The following ATP5PB variants were observed in gnomAD, a reference collection of about 807,000 sequenced individuals.
The protein encoded by ATP5PB is ATP synthase peripheral stalk-membrane subunit b, also known as ATP synthase peripheral stalk subunit b, mitochondrial.
In ATP5PB, 21 loss-of-function variants were observed where a neutral mutation model predicts 34.5. The observed-to-expected ratio is 0.61, with a 90% CI of 0.43 to 0.88. The LOEUF is 0.88. Among genes scored for constraint, ATP5PB ranks in the 40% least tolerant of loss-of-function variants. The pLI is 0.00. For missense variants in ATP5PB, 293 were observed against 317.4 expected (o/e 0.92, Z 0.58); for synonymous variants, 108 against 114.1 (o/e 0.95, Z 0.34).
At chr1:111,458,327 C>A (rs140664804) in intron 5 of ATP5PB, among the ~76,000 whole-genome samples, 1,703 of 152,264 alleles carry the variant, frequency 0.011, 9 homozygotes, top group Middle Eastern at 0.027. Flanking sequence ...GCAACATAGA[C>A]CCCCTTTCTA....
chr1:111,460,027 C>T (rs926204477), intron 6 of ATP5PB, among the ~76,000 whole-genome samples: 4 of 151,936 alleles, frequency 2.6e-5, no homozygotes, highest in South Asian at 2.1e-4. Flanking sequence ...TAGCTGGGTG[C>T]GGTGACAAAC....
chr1:111,458,347 A>G (rs371519349), intron 5 of ATP5PB, among the ~76,000 whole-genome samples: 19 of 152,312 alleles, frequency 1.2e-4, no homozygotes, highest in African/African-American at 4.3e-4. Flanking sequence ...ACAAAATTGC[A>G]GGAGGAGGGA....
At chr1:111,453,029 G>A (rs1315460970) in intron 2 of ATP5PB, among the ~76,000 whole-genome samples, 1 of 152,134 alleles carries the variant, frequency 6.6e-6, no homozygotes, top group African/African-American at 2.4e-5. Flanking sequence ...CAAAAGATAA[G>A]CATTGTACCA....
At chr1:111,452,038 G>C (rs765356834) in intron 2 of ATP5PB, among the ~76,000 whole-genome samples, 2 of 151,940 alleles carry the variant, frequency 1.3e-5, no homozygotes, top group Non-Finnish European at 2.9e-5. Flanking sequence ...AGGATGGCTT[G>C]AGCCCAGGAG....
chr1:111,454,659 T>TC (rs1653421148), intron 3 of ATP5PB, among the ~76,000 whole-genome samples: 1 of 152,114 alleles, frequency 6.6e-6, no homozygotes, highest in African/African-American at 2.4e-5. Flanking sequence ...CCCAGGCTGG[T>TC]CTCCAACTCC....
chr1:111,460,231 C>G (rs771623725), intron 6 of ATP5PB, among the ~76,000 whole-genome samples: 19 of 152,148 alleles, frequency 1.2e-4, no homozygotes, highest in Non-Finnish European at 2.1e-4. Flanking sequence ...CCATGACATT[C>G]CATTTCTTCT....
rs1653626717 is a variant in ATP5PB, at chr1:111,461,714, A to T, written c.*720A>T. ...CAGGAGTTTGAAACCAGCCAGGCCA[A>T]CACAGTGAAACCCTGTCTCTACTAA... On this transcript the variant is annotated 3_prime_UTR_variant, in exon 7 of 7. Transcript: ENST00000369722. 6.6e-6 allele frequency: 1 copy of T among 152,226 alleles called. No homozygotes were observed. The highest frequency in any genetic ancestry group is 1.5e-5 in the Non-Finnish European group (1 of 68,070). The allele number at this position is 152,226 out of a possible 1,614,324, so 9.4% of individuals were successfully genotyped here. A position where few individuals can be genotyped will look rare whatever the true frequency, so the allele number is the denominator to read the frequency against.
chr1:111,457,140 A>G (rs1369782632), intron 5 of ATP5PB, among the ~76,000 whole-genome samples: 1 of 152,164 alleles, frequency 6.6e-6, no homozygotes, highest in African/African-American at 2.4e-5. Flanking sequence ...GAAATCTGAT[A>G]CTGTACATTC....
intron 5 of ATP5PB, among the ~76,000 whole-genome samples, chr1:111,457,312 A>AACACACACACACACACACACAC (rs111663185): frequency 1.3e-3 from 196 of 146,808 alleles, no homozygotes; most frequent in African/African-American, 4.7e-3. Flanking sequence ...GACTCTCTCA[A>AACACACACACACACACACACAC]ACACACACAC....
rs553820583 is a variant in ATP5PB at position 111,454,779 on chromosome 1, T to A, written c.223+423T>A. ...TATTTTTAAAAGGAAATTGTAACAA[T>A]TGATTTGATTGCTCCAACTTGTCTT... is the stretch of plus-strand genomic sequence containing the variant. On this transcript the variant is annotated intron_variant, in intron 3 of 6. Transcript: ENST00000369722. Among the ~76,000 whole-genome samples, 29 of 152,290 alleles carry A rather than the reference T, an allele frequency of 1.9e-4. No individual in the cohort carries two copies. The South Asian group carries it at 5.8e-3, about 30-fold the overall frequency.
chr1:111,458,978 G>T (rs1396423101), intron 5 of ATP5PB, among the ~76,000 whole-genome samples: 1 of 152,132 alleles, frequency 6.6e-6, no homozygotes, highest in Non-Finnish European at 1.5e-5. Context: ...CTCTACAAAT[G>T]TTAACTATTA....
At chr1:111,455,028 A>G (rs1653432822) in intron 3 of ATP5PB, among the ~76,000 whole-genome samples, 1 of 152,208 alleles carries the variant, frequency 6.6e-6, no homozygotes, top group African/African-American at 2.4e-5. Context: ...AAGGGTACGA[A>G]TAAAAATGAA....
rs947114420 is a variant in ATP5PB at position 111,459,652 on chromosome 1, G to A, written c.693+16G>A. ...CACACAGCAGGTACACAACATTTTTGTAGGTTCTGATGTTGTACTGGTATC... is the reference window on the plus strand; with the variant it reads ...CACACAGCAGGTACACAACATTTTTATAGGTTCTGATGTTGTACTGGTATC... On this transcript the variant is annotated intron_variant, in intron 6 of 6. Coordinates refer to ENST00000369722, the MANE Select transcript of ATP5PB (RefSeq NM_001688.5). 5.0e-6 allele frequency: 8 copies of A among 1,611,464 alleles called. No individual in the cohort carries two copies. The South Asian group carries it at 5.5e-5, about 11-fold the overall frequency.
At chr1:111,457,861 A>T (rs1434912053) in intron 5 of ATP5PB, among the ~76,000 whole-genome samples, 1 of 152,228 alleles carries the variant, frequency 6.6e-6, no homozygotes, top group African/African-American at 2.4e-5. Context: ...CAAAGGGAGA[A>T]TGCTTCCTGC....
At chr1:111,459,012 A>G (rs1199826719) in intron 5 of ATP5PB, among the ~76,000 whole-genome samples, 1 of 152,238 alleles carries the variant, frequency 6.6e-6, no homozygotes, top group Non-Finnish European at 1.5e-5. Context: ...GTATTATGAC[A>G]TAAACACAAA....
intron 5 of ATP5PB, among the ~76,000 whole-genome samples, chr1:111,458,297 G>A (rs1416828327): frequency 6.6e-6 from 1 of 152,344 alleles, no homozygotes; most frequent in East Asian, 1.9e-4. Context: ...CTTGAGCCCA[G>A]GAATTTGAGA....
At chr1:111,451,034 T>C (rs1244773856) in intron 2 of ATP5PB, among the ~76,000 whole-genome samples, 1 of 152,202 alleles carries the variant, frequency 6.6e-6, no homozygotes, top group Non-Finnish European at 1.5e-5. Flanking sequence ...ACCTAGGTAT[T>C]TTAGTAGTCT....
intron 3 of ATP5PB, 42 bp downstream of exon 3, chr1:111,454,398 C>T: frequency 1.1e-5 from 17 of 1,543,794 alleles, no homozygotes; most frequent in Non-Finnish European, 1.5e-5. Flanking sequence ...GTTTTGATGG[C>T]ACCACTAAAA....
At position 111,459,527 on chromosome 1, in the gene ATP5PB, A is replaced by G. The variant is rs1653559300; in HGVS notation, c.584A>G (p.Asn195Ser). ...RLYRVYKEVK[N>S]RLDYHISVQN... Reference sequence around the variant, plus strand: ...TATAGAGTATATAAGGAAGTAAAGAATCGCCTGGACTATCATATATCTGTG... The same window carrying G: ...TATAGAGTATATAAGGAAGTAAAGAGTCGCCTGGACTATCATATATCTGTG... The change falls in exon 6 of 7, where the codon AAT becomes AGT. Residue 195 changes from asparagine (N) to serine (S), a missense_variant. Physicochemically the swap from Asn to Ser is conservative, Grantham distance 46. Coordinates refer to ENST00000369722, the MANE Select transcript of ATP5PB (RefSeq NM_001688.5). 1.2e-6 allele frequency: 2 copies of G among 1,613,992 alleles called. No homozygotes were observed. The highest frequency in any genetic ancestry group is 2.7e-5 in the African/African-American group (2 of 75,046).
Sources: gnomAD v4.1 joint callset for allele counts (sites outside exome capture counted in the v4.1 genomes callset) on GRCh38, gnomAD v4.1.1 for gene constraint, MANE v1.5 for transcripts, NCBI Gene and HGNC (gene_info 2026-07-23, HGNC 2026-07-21) for gene names.